The following PTGER3 variants were observed in gnomAD, a reference collection of about 807,000 sequenced individuals.
PTGER3 encodes prostaglandin E2 receptor EP3 subtype.
A neutral mutation model predicts 34.7 loss-of-function variants in PTGER3; 22 were observed. The ratio of observed to expected loss-of-function variants is 0.63; its 90% confidence interval spans 0.45 to 0.91. The LOEUF (loss-of-function observed/expected upper bound fraction) is 0.91, where lower values mean the gene tolerates loss of function less well. Ranked by LOEUF, PTGER3 falls within the 40% of genes least tolerant of loss-of-function variation. The pLI is 0.00. For missense variants in PTGER3, 468 were observed against 519.4 expected, an observed-to-expected ratio of 0.90 and a Z score of 0.96; for synonymous variants, 241 against 230.1, an observed-to-expected ratio of 1.05 and a Z score of -0.43.
rs745351008 is a variant in PTGER3 at position 71,046,963 on chromosome 1, C to G, written c.615G>C (p.Gly205=). ...GVGQYTVQWP[G]TWCFISTGRG... ...GCCCGGTGCTGATGAAGCACCACGT[C>G]CCGGGCCACTGGACGGTGTACTGGC... The change falls in exon 1 of 4, where the codon GGG becomes GGC. Residue 205 remains glycine, a synonymous_variant. Transcript: ENST00000306666. The G allele has an allele frequency of 1.1e-5, 18 of 1,611,286 alleles. No individual in the cohort carries two copies. The South Asian group carries it at 2.0e-4, about 18-fold the overall frequency.
At chr1:70,869,371 A>G (rs1381879712) in intron 4 of PTGER3, 2 of 445,940 alleles carry the variant, frequency 4.5e-6, no homozygotes, top group Non-Finnish European at 9.1e-6. Flanking sequence ...ACAAATATCC[A>G]AACTATATCA....
intron 4 of PTGER3, among the ~76,000 whole-genome samples, chr1:70,863,503 A>C (rs1197452027): frequency 6.6e-5 from 10 of 152,304 alleles, no homozygotes; most frequent in African/African-American, 2.4e-4. Context: ...ACCCTCTTCA[A>C]AATCATAGAT....
chr1:71,008,893 T>C (rs933973893), intron 2 of PTGER3: 1 of 971,400 alleles, frequency 1.0e-6, no homozygotes, highest in Non-Finnish European at 1.2e-6. Context: ...TCTCCCTGTG[T>C]CATTCAGCTC....
chr1:70,853,875 A>C (rs1645740096), intron 4 of PTGER3, among the ~76,000 whole-genome samples: 1 of 152,186 alleles, frequency 6.6e-6, no homozygotes, highest in African/African-American at 2.4e-5. Flanking sequence ...ATGGGCTTAA[A>C]GGGTAGTCCT....
intron 1 of PTGER3, among the ~76,000 whole-genome samples, chr1:71,034,461 A>G (rs1475644150): frequency 6.6e-6 from 1 of 152,184 alleles, no homozygotes; most frequent in Non-Finnish European, 1.5e-5. Context: ...AATCTAGGGC[A>G]GTCATTTTAT....
chr1:70,965,625 G>A (rs1157704294), intron 2 of PTGER3, among the ~76,000 whole-genome samples: 1 of 151,922 alleles, frequency 6.6e-6, no homozygotes, highest in African/African-American at 2.4e-5. Context: ...GAATACCTAT[G>A]TCTTATTCTT....
chr1:70,896,574 G>A (rs1158259928), intron 4 of PTGER3, among the ~76,000 whole-genome samples: 2 of 152,164 alleles, frequency 1.3e-5, no homozygotes, highest in East Asian at 3.8e-4. Context: ...CCAGCTTGTG[G>A]TAAATTGTTA....
At chr1:71,026,587 C>T (rs1658945225) in intron 1 of PTGER3, among the ~76,000 whole-genome samples, 1 of 151,544 alleles carries the variant, frequency 6.6e-6, no homozygotes, top group African/African-American at 2.4e-5. Flanking sequence ...CGTGTTTACC[C>T]CCTTAGGCTG....
chr1:70,971,789 A>G, intron 3 of PTGER3, 56 bp from the exon 4 acceptor site: 1 of 1,269,632 alleles, frequency 7.9e-7, no homozygotes, highest in Non-Finnish European at 1.1e-6. Context: ...TATTTTTTTT[A>G]AATTTTGTGT....
chr1:70,979,303 T>TG (rs1654018536), intron 2 of PTGER3, among the ~76,000 whole-genome samples: 1 of 149,272 alleles, frequency 6.7e-6, no homozygotes, highest in Non-Finnish European at 1.5e-5. Flanking sequence ...ATTTTATAGG[T>TG]GAAAAAAAAA....
intron 4 of PTGER3, among the ~76,000 whole-genome samples, chr1:70,889,414 C>CAAAAAA (rs372750310): frequency 1.6e-5 from 1 of 63,610 alleles, no homozygotes; most frequent in African/African-American, 6.2e-5. Context: ...GACTCCATCT[C>CAAAAAA]AAAAAAAAAA....
chr1:71,047,235 G>A lies in PTGER3; in HGVS notation c.343C>T (p.Leu115=), dbSNP rs1660923340. The part of the protein sequence containing the change: ...LTTPVVIVVY[L]SKQRWEHIDP... ...ATGTGCTCCCAACGCTGCTTGGACA[G>A]GTACACGACGATGACGACCGGGGTG... The change falls in exon 1 of 4, where the codon CTG becomes TTG. Residue 115 remains leucine (L), a synonymous_variant. Coordinates refer to ENST00000306666, the MANE Select transcript of PTGER3 (RefSeq NM_198719.2). The A allele has an allele frequency of 1.3e-6, 2 of 1,596,114 alleles. No individual in the cohort carries two copies. Among genetic ancestry groups the A allele is most frequent in the Non-Finnish European group, 1.7e-6 (2 of 1,171,740 alleles).
At chr1:70,895,880 G>T (rs1646713234) in intron 4 of PTGER3, among the ~76,000 whole-genome samples, 1 of 152,184 alleles carries the variant, frequency 6.6e-6, no homozygotes, top group African/African-American at 2.4e-5. Context: ...TAGACCAGGA[G>T]AACCAAATAA....
At chr1:71,007,394 G>A (rs2100837694) in intron 2 of PTGER3, 1 of 985,746 alleles carries the variant, frequency 1.0e-6, no homozygotes, top group East Asian at 1.1e-4. Context: ...GGAAGGAAGA[G>A]AGTTCAGCAG....
In PTGER3 at chr1:70,928,190, T is replaced by G. The variant is rs190638096; in HGVS notation, c.*23+25573A>C. ...TTATAGACATATATATTTATAGACA[T>G]ATATTTATATATATGTCTACATAAA... On this transcript the variant is annotated intron_variant, in intron 4 of 4. Transcript: ENST00000370931. Among the ~76,000 whole-genome samples, 1,009 of 148,440 alleles carry G rather than the reference T, an allele frequency of 6.8e-3. 5 individuals are homozygous for G. Among genetic ancestry groups the G allele is most frequent in the Non-Finnish European group, 0.01 (705 of 67,306 alleles).
intron 2 of PTGER3, among the ~76,000 whole-genome samples, chr1:70,985,592 C>T (rs1371280288): frequency 2.0e-5 from 3 of 152,052 alleles, no homozygotes; most frequent in Non-Finnish European, 4.4e-5. Flanking sequence ...AATCTGAAGC[C>T]TGTTAGTAAT....
In PTGER3 at chr1:70,900,642, A is replaced by G. The variant is rs138411354; in HGVS notation, c.*24-47783T>C. Among the ~76,000 whole-genome samples the G allele has an allele frequency of 3.5e-3, 539 of 152,300 alleles. 6 individuals are homozygous for G. The highest frequency in any genetic ancestry group is 0.013 in the African/African-American group (526 of 41,558). On this transcript the variant is annotated intron_variant, in intron 4 of 4. Transcript: ENST00000370931. ...CAAGGTGAGATACAAAATGTAATGTATGCAGCTTGGCACGTCATTAAGACA... is the reference window on the plus strand; with the variant it reads ...CAAGGTGAGATACAAAATGTAATGTGTGCAGCTTGGCACGTCATTAAGACA...
intron 4 of PTGER3, among the ~76,000 whole-genome samples, chr1:70,943,468 A>G (rs1355786400): frequency 4.6e-5 from 7 of 152,160 alleles, no homozygotes; most frequent in Non-Finnish European, 1.0e-4. Context: ...ACTAAAGTCC[A>G]GAAGATAAAG....
At chr1:70,977,907 A>G (rs1175913213) in intron 2 of PTGER3, among the ~76,000 whole-genome samples, 1 of 152,018 alleles carries the variant, frequency 6.6e-6, no homozygotes, top group Non-Finnish European at 1.5e-5. Flanking sequence ...CTCTCCTTTT[A>G]GCTCCCTCCT....
Sources: gnomAD v4.1 joint callset for allele counts (sites outside exome capture counted in the v4.1 genomes callset) on GRCh38, gnomAD v4.1.1 for gene constraint, MANE v1.5 for transcripts, NCBI Gene and HGNC (gene_info 2026-07-23, HGNC 2026-07-21) for gene names.